LRBA: variants seen among roughly 807,000 people sequenced by gnomAD.
The protein encoded by LRBA is LPS responsive beige-like anchor protein.
In LRBA, 176 loss-of-function variants were observed where a neutral mutation model predicts 330.0. The ratio of observed to expected loss-of-function variants is 0.53; its 90% CI spans 0.47 to 0.60. The LOEUF is 0.60. Among genes scored for constraint, LRBA ranks in the 20% least tolerant of loss-of-function variants. LRBA has a pLI of 0.00. For synonymous variants in LRBA, 1,230 were observed against 1,193.0 expected, an observed-to-expected ratio of 1.03 and a Z score of -0.64; for missense variants, 3,259 against 3,444.8, an observed-to-expected ratio of 0.95 and a Z score of 1.35.
At chr4:150,882,359 T>C (rs765009263) in intron 17 of LRBA, among the ~76,000 whole-genome samples, 14 of 152,194 alleles carry the variant, frequency 9.2e-5, no homozygotes, top group Non-Finnish European at 1.9e-4. Flanking sequence ...AGTTTTGTTC[T>C]TATTTAATGC....
chr4:150,458,456 G>C (rs1039351346), intron 44 of LRBA, among the ~76,000 whole-genome samples: 2 of 151,686 alleles, frequency 1.3e-5, no homozygotes, highest in Non-Finnish European at 2.9e-5. Flanking sequence ...ATTTTCTTCA[G>C]GGTTATATAA....
intron 37 of LRBA, among the ~76,000 whole-genome samples, chr4:150,674,531 G>A (rs1782359432): frequency 6.6e-6 from 1 of 152,090 alleles, no homozygotes; most frequent in Non-Finnish European, 1.5e-5. Flanking sequence ...TTTGTAAAGG[G>A]CTCAGTAAAT....
intron 17 of LRBA, among the ~76,000 whole-genome samples, chr4:150,887,609 A>C (rs1320513415): frequency 2.6e-5 from 4 of 151,990 alleles, no homozygotes; most frequent in Admixed American, 1.3e-4. Context: ...TCTACTAAAA[A>C]TACAAAAAAA....
At chr4:151,009,269 C>T (rs1303942071) in intron 2 of LRBA, among the ~76,000 whole-genome samples, 3 of 151,382 alleles carry the variant, frequency 2.0e-5, no homozygotes, top group African/African-American at 7.3e-5. Flanking sequence ...GGGAGAAAGC[C>T]GGGCATGGTG....
At chr4:150,821,351 A>C (rs776234273) in intron 30 of LRBA, among the ~76,000 whole-genome samples, 2 of 152,132 alleles carry the variant, frequency 1.3e-5, no homozygotes, top group Non-Finnish European at 2.9e-5. Flanking sequence ...GCTTAAGAAC[A>C]TACACAAATT....
At chr4:150,990,944 C>G (rs1402189365) in intron 2 of LRBA, among the ~76,000 whole-genome samples, 1 of 151,454 alleles carries the variant, frequency 6.6e-6, no homozygotes, top group Admixed American at 6.6e-5. Flanking sequence ...TCACTTGAAC[C>G]AGGGAAGCGC....
chr4:150,432,401 T>C (rs1750512491), intron 46 of LRBA, among the ~76,000 whole-genome samples: 2 of 149,988 alleles, frequency 1.3e-5, no homozygotes, highest in South Asian at 2.1e-4. Flanking sequence ...ATGTGATAGC[T>C]GAATGAAATA....
At chr4:150,562,915 T>A (rs1768562995) in intron 40 of LRBA, among the ~76,000 whole-genome samples, 1 of 152,108 alleles carries the variant, frequency 6.6e-6, no homozygotes, top group Non-Finnish European at 1.5e-5. Flanking sequence ...TCCTCTTATC[T>A]CAGCCTCTCA....
intron 2 of LRBA, among the ~76,000 whole-genome samples, chr4:150,929,670 C>T (rs190856949): frequency 1.3e-5 from 2 of 152,212 alleles, no homozygotes; most frequent in East Asian, 3.9e-4. Context: ...CTATACAGGC[C>T]TTGTCATCTC....
chr4:150,688,687 A>G (rs1783839297), intron 36 of LRBA, among the ~76,000 whole-genome samples: 1 of 152,200 alleles, frequency 6.6e-6, no homozygotes, highest in Admixed American at 6.5e-5. Flanking sequence ...GCGGCCAACA[A>G]ACATATGAAA....
chr4:150,663,514 T>A (rs1279305532), intron 37 of LRBA, among the ~76,000 whole-genome samples: 1 of 151,536 alleles, frequency 6.6e-6, no homozygotes, highest in Non-Finnish European at 1.5e-5. Context: ...GTGTTTTCAA[T>A]TGAACTTAGG....
At chr4:151,004,591 C>A (rs995941393) in intron 2 of LRBA, among the ~76,000 whole-genome samples, 12 of 152,142 alleles carry the variant, frequency 7.9e-5, no homozygotes, top group African/African-American at 2.9e-4. Context: ...CTGGGAAAAG[C>A]TAACATGTGA....
intron 15 of LRBA, 81 bp from the exon 16 acceptor site, chr4:150,896,537 G>C: frequency 1.4e-6 from 1 of 729,886 alleles, no homozygotes; most frequent in Non-Finnish European, 2.3e-6. Flanking sequence ...GATTTGTCAA[G>C]TTGGTCAGCT....
intron 45 of LRBA, among the ~76,000 whole-genome samples, chr4:150,436,512 C>CA (rs1419382249): frequency 6.6e-5 from 10 of 151,776 alleles, no homozygotes; most frequent in Non-Finnish European, 1.5e-4. Context: ...TCTGAAGGGG[C>CA]AAATTTAAGA....
intron 37 of LRBA, among the ~76,000 whole-genome samples, chr4:150,621,283 T>G (rs914619092): frequency 3.3e-5 from 5 of 152,232 alleles, no homozygotes; most frequent in African/African-American, 1.2e-4. Flanking sequence ...TCATTTAAGC[T>G]AATTTTTTTA....
intron 37 of LRBA, among the ~76,000 whole-genome samples, chr4:150,639,853 A>ATGTGTGTG (rs1778483050): frequency 1.3e-5 from 1 of 76,354 alleles, no homozygotes; most frequent in Non-Finnish European, 2.5e-5. Flanking sequence ...ATATATATAT[A>ATGTGTGTG]TATATATATA....
At chr4:150,718,158 G>A (rs1368052045) in intron 36 of LRBA, among the ~76,000 whole-genome samples, 1 of 151,984 alleles carries the variant, frequency 6.6e-6, no homozygotes, top group East Asian at 1.9e-4. Flanking sequence ...CATCAATGAT[G>A]TCATGACATT....
intron 36 of LRBA, among the ~76,000 whole-genome samples, chr4:150,734,286 G>T (rs990280917): frequency 6.6e-6 from 1 of 151,584 alleles, no homozygotes; most frequent in African/African-American, 2.4e-5. Flanking sequence ...AAACAATTTT[G>T]TAATTCCAGT....
At chr4:150,331,630 TC>T (rs1561025079) in intron 48 of LRBA, among the ~76,000 whole-genome samples, 1 of 152,174 alleles carries the variant, frequency 6.6e-6, no homozygotes, top group Non-Finnish European at 1.5e-5. Flanking sequence ...TTTTTTAACT[TC>T]TAATGCAAGA....
Sources: gnomAD v4.1 joint callset for allele counts (sites outside exome capture counted in the v4.1 genomes callset) on GRCh38, gnomAD v4.1.1 for gene constraint, MANE v1.5 for transcripts, NCBI Gene and HGNC (gene_info 2026-07-23, HGNC 2026-07-21) for gene names.